GNA14: variants seen among roughly 807,000 people sequenced by gnomAD.
The protein encoded by GNA14 is guanine nucleotide-binding protein subunit alpha-14.
A neutral mutation model predicts 42.0 loss-of-function variants in GNA14; 50 were observed. That is an observed-to-expected ratio of 1.19 (90% CI 0.95 to 1.51). The LOEUF is 1.51. Among genes scored for constraint, GNA14 ranks in the 40% most tolerant of loss-of-function variants. The pLI, the probability that GNA14 is intolerant of heterozygous loss-of-function variation, is 0.00. For synonymous variants in GNA14, 173 were observed against 163.1 expected (o/e 1.06, Z -0.46); for missense variants, 473 against 446.2 (o/e 1.06, Z -0.54).
At chr9:77,586,752 C>T (rs998634001) in intron 1 of GNA14, among the ~76,000 whole-genome samples, 3 of 152,204 alleles carry the variant, frequency 2.0e-5, no homozygotes, top group African/African-American at 4.8e-5. Context: ...CTGGCCACCC[C>T]ACCCTAACCT....
intron 3 of GNA14, among the ~76,000 whole-genome samples, chr9:77,433,936 C>G (rs1050732169): frequency 6.6e-6 from 1 of 152,124 alleles, no homozygotes; most frequent in African/African-American, 2.4e-5. Context: ...TAGATTTTAG[C>G]GCAATTGGAC....
At chr9:77,515,356 C>T (rs1837235353) in intron 2 of GNA14, among the ~76,000 whole-genome samples, 1 of 152,258 alleles carries the variant, frequency 6.6e-6, no homozygotes, top group South Asian at 2.1e-4. Flanking sequence ...AAGTCCTGGG[C>T]TTGAAGGAGC....
intron 2 of GNA14, among the ~76,000 whole-genome samples, chr9:77,475,418 A>G (rs945149038): frequency 6.6e-6 from 1 of 152,202 alleles, no homozygotes; most frequent in African/African-American, 2.4e-5. Flanking sequence ...AAGCAAAATG[A>G]CAACACCTGT....
At chr9:77,519,965 C>T (rs760656220) in intron 2 of GNA14, among the ~76,000 whole-genome samples, 6 of 151,976 alleles carry the variant, frequency 3.9e-5, no homozygotes, top group Admixed American at 6.6e-5. Flanking sequence ...GCTGAGATGG[C>T]GCCACTATGC....
intron 6 of GNA14, among the ~76,000 whole-genome samples, chr9:77,424,894 A>G (rs935812348): frequency 6.6e-6 from 1 of 152,148 alleles, no homozygotes; most frequent in African/African-American, 2.4e-5. Flanking sequence ...AGGGGAAAGA[A>G]GAGTGCTAAA....
intron 2 of GNA14, among the ~76,000 whole-genome samples, chr9:77,452,592 GTGT>G (rs1214751787): frequency 8.8e-6 from 1 of 113,496 alleles, no homozygotes; most frequent in African/African-American, 4.4e-5. Context: ...GTATGTGTGT[GTGT>G]GGTGTGTATG....
chr9:77,631,742 A>G (rs1321920242), intron 1 of GNA14, among the ~76,000 whole-genome samples: 1 of 152,194 alleles, frequency 6.6e-6, no homozygotes, highest in Admixed American at 6.5e-5. Context: ...TACTATTTGA[A>G]GTTCAAGTAT....
At chr9:77,570,148 T>C (rs1390778223) in intron 1 of GNA14, among the ~76,000 whole-genome samples, 4 of 152,168 alleles carry the variant, frequency 2.6e-5, no homozygotes, top group African/African-American at 9.7e-5. Context: ...TTGGAGGAAG[T>C]TAACTTTAAA....
chr9:77,424,232 C>A (rs1275347531), intron 6 of GNA14, 63 bp from the exon 7 acceptor site: 15 of 1,195,934 alleles, frequency 1.3e-5, no homozygotes, highest in Non-Finnish European at 1.8e-5. Flanking sequence ...TCCCAAGAAC[C>A]TTTTTTTTGA....
At chr9:77,459,220 A>C (rs1299213843) in intron 2 of GNA14, among the ~76,000 whole-genome samples, 2 of 149,862 alleles carry the variant, frequency 1.3e-5, no homozygotes, top group African/African-American at 5.0e-5. Context: ...TGGGCGACAG[A>C]GTGAGACCCA....
Position 77,428,910 on chromosome 9 carries a change from G to A in GNA14, c.720C>T (p.Asn240=), listed in dbSNP as rs766456707. The A allele has an allele frequency of 1.2e-5, 20 of 1,612,958 alleles. No individual in the cohort carries two copies. Among genetic ancestry groups the A allele is most frequent in the South Asian group, 9.9e-5 (9 of 90,876 alleles). The change falls in exon 5 of 7, where the codon AAC becomes AAT. Residue 240 remains asparagine (N), a synonymous_variant. Coordinates refer to ENST00000341700, the MANE Select transcript of GNA14 (RefSeq NM_004297.4). The part of the protein sequence containing the change: ...EYDQVLAECD[N]ENRMEESKAL... ...CCAAACTTCCCGCCCAGCATACCTC[G>A]TTGTCACACTCAGCCAGGACCTGGT... is the stretch of plus-strand genomic sequence containing the variant.
intron 2 of GNA14, among the ~76,000 whole-genome samples, chr9:77,484,090 G>A (rs1048215063): frequency 4.6e-5 from 7 of 152,080 alleles, no homozygotes; most frequent in South Asian, 4.2e-4. Context: ...ATGTGCTCCA[G>A]GTAAACACAG....
intron 2 of GNA14, among the ~76,000 whole-genome samples, chr9:77,514,377 G>A (rs1009534819): frequency 3.9e-5 from 6 of 152,092 alleles, no homozygotes; most frequent in African/African-American, 1.2e-4. Flanking sequence ...TTCACACAGC[G>A]TCTTAATATC....
intron 1 of GNA14, among the ~76,000 whole-genome samples, chr9:77,581,776 A>T (rs1471703564): frequency 6.6e-6 from 1 of 152,170 alleles, no homozygotes; most frequent in Non-Finnish European, 1.5e-5. Flanking sequence ...TCCAGTCCAC[A>T]TTCCTGTGGA....
chr9:77,646,777 G>A (rs953836207), intron 1 of GNA14, among the ~76,000 whole-genome samples: 6 of 152,216 alleles, frequency 3.9e-5, no homozygotes, highest in Admixed American at 1.3e-4. Flanking sequence ...CAAATGTGTT[G>A]ACAGCGTTCT....
chr9:77,522,481 C>G (rs1031193407), intron 2 of GNA14, among the ~76,000 whole-genome samples: 1 of 152,162 alleles, frequency 6.6e-6, no homozygotes, highest in African/African-American at 2.4e-5. Context: ...CAATGCTGCC[C>G]GCACCATTTA....
chr9:77,576,598 T>C (rs1467937237), intron 1 of GNA14, among the ~76,000 whole-genome samples: 2 of 151,972 alleles, frequency 1.3e-5, no homozygotes, highest in East Asian at 1.9e-4. Flanking sequence ...AATGATTAGA[T>C]ATGGCCAAGA....
chr9:77,483,405 T>C (rs996188673), intron 2 of GNA14, among the ~76,000 whole-genome samples: 3 of 152,126 alleles, frequency 2.0e-5, no homozygotes, highest in African/African-American at 2.4e-5. Context: ...GACCTGCAAA[T>C]GCTGCTGCCT....
At chr9:77,538,165 G>A (rs972669148) in intron 1 of GNA14, among the ~76,000 whole-genome samples, 1 of 151,558 alleles carries the variant, frequency 6.6e-6, no homozygotes, top group African/African-American at 2.4e-5. Flanking sequence ...CAAATTCCTG[G>A]GCTCAAGTGA....
Sources: gnomAD v4.1 joint callset for allele counts (sites outside exome capture counted in the v4.1 genomes callset) on GRCh38, gnomAD v4.1.1 for gene constraint, MANE v1.5 for transcripts, NCBI Gene and HGNC (gene_info 2026-07-23, HGNC 2026-07-21) for gene names.